MACROD2: variants seen among roughly 807,000 people sequenced by gnomAD.
The protein encoded by MACROD2 is mono-ADP ribosylhydrolase 2, also known as ADP-ribose glycohydrolase MACROD2.
A neutral mutation model predicts 70.4 loss-of-function variants in MACROD2; 36 were observed. That is an observed-to-expected ratio of 0.51 (90% CI 0.39 to 0.68). The LOEUF is 0.68. Among genes scored for constraint, MACROD2 ranks in the 30% least tolerant of loss-of-function variants. The pLI is 0.00. For synonymous variants in MACROD2, 172 were observed against 178.8 expected (o/e 0.96, Z 0.30); for missense variants, 496 against 538.4 (o/e 0.92, Z 0.78).
At chr20:15,642,632 ACACACACACG>A (rs1182532876) in intron 8 of MACROD2, among the ~76,000 whole-genome samples, 6 of 134,290 alleles carry the variant, frequency 4.5e-5, no homozygotes, top group Admixed American at 7.7e-5. Context: ...ACACACACAC[ACACACACACG>A]TGTGCATGCA....
chr20:15,036,330 T>A lies in MACROD2; in HGVS notation c.419-193610T>A, dbSNP rs551869604. Among the ~76,000 whole-genome samples, 12 of 152,262 alleles carry A rather than the reference T, an allele frequency of 7.9e-5. No homozygotes were observed. The South Asian group carries it at 1.5e-3, about 18-fold the overall frequency. On this transcript the variant is annotated intron_variant, in intron 5 of 17. Transcript: ENST00000684519. ...TAATTGCAGTACATTACGATGACCA[T>A]CTATGTCCCTTTTGTCTTCACTGGT...
At chr20:15,690,791 C>T (rs1047271640) in intron 8 of MACROD2, among the ~76,000 whole-genome samples, 6 of 152,128 alleles carry the variant, frequency 3.9e-5, no homozygotes, top group African/African-American at 1.2e-4. Flanking sequence ...CATGACCAAC[C>T]AAGACTCCAT....
chr20:14,814,938 T>C (rs2072756543), intron 5 of MACROD2, among the ~76,000 whole-genome samples: 1 of 151,950 alleles, frequency 6.6e-6, no homozygotes, highest in Non-Finnish European at 1.5e-5. Context: ...AATGAATGAA[T>C]GAATGAATGA....
chr20:15,689,194 C>T (rs2050266744), intron 8 of MACROD2, among the ~76,000 whole-genome samples: 1 of 152,108 alleles, frequency 6.6e-6, no homozygotes, highest in African/African-American at 2.4e-5. Flanking sequence ...GTCCCAGCTA[C>T]TCAGGAGGCT....
intron 5 of MACROD2, among the ~76,000 whole-genome samples, chr20:15,220,803 C>G (rs1384037751): frequency 6.6e-6 from 1 of 152,148 alleles, no homozygotes. Flanking sequence ...GGGGAAAGTC[C>G]TGTAGTCAGA....
At chr20:15,459,759 G>T (rs968224169) in intron 7 of MACROD2, among the ~76,000 whole-genome samples, 2 of 151,994 alleles carry the variant, frequency 1.3e-5, no homozygotes, top group Non-Finnish European at 2.9e-5. Flanking sequence ...TTATGATTAG[G>T]ATACAAAGAC....
At chr20:14,376,316 C>T (rs965453413) in intron 3 of MACROD2, among the ~76,000 whole-genome samples, 2 of 152,062 alleles carry the variant, frequency 1.3e-5, no homozygotes, top group Non-Finnish European at 2.9e-5. Flanking sequence ...CAGAATTGTA[C>T]ATATATTGCT....
At chr20:14,814,921 T>TTGAATGAATGAATGAA (rs71190149) in intron 5 of MACROD2, among the ~76,000 whole-genome samples, 1 of 150,796 alleles carries the variant, frequency 6.6e-6, no homozygotes, top group Admixed American at 6.6e-5. Flanking sequence ...TGAACATTTA[T>TTGAATGAATGAATGAA]TGAATGAATG....
intron 5 of MACROD2, among the ~76,000 whole-genome samples, chr20:14,868,816 G>C (rs2073456239): frequency 1.3e-5 from 2 of 152,142 alleles, no homozygotes; most frequent in African/African-American, 2.4e-5. Context: ...TCGAAAGTGG[G>C]TGCAGAATGA....
chr20:14,676,211 A>G (rs1447141698), intron 4 of MACROD2, among the ~76,000 whole-genome samples: 2 of 152,186 alleles, frequency 1.3e-5, no homozygotes, highest in African/African-American at 4.8e-5. Flanking sequence ...ATAGACATCT[A>G]CAGAACTCTC....
At chr20:15,938,641 A>C (rs1601172775) in intron 12 of MACROD2, among the ~76,000 whole-genome samples, 1 of 152,250 alleles carries the variant, frequency 6.6e-6, no homozygotes, top group South Asian at 2.1e-4. Context: ...CAATATTGAA[A>C]TTAGGCCAAT....
At chr20:15,801,304 T>A (rs2063724089) in intron 8 of MACROD2, among the ~76,000 whole-genome samples, 1 of 151,554 alleles carries the variant, frequency 6.6e-6, no homozygotes, top group South Asian at 2.1e-4. Flanking sequence ...GTACAAGTTG[T>A]GGTCTGGATA....
chr20:13,996,679 C>T (rs2052662515), intron 1 of MACROD2, among the ~76,000 whole-genome samples: 1 of 152,178 alleles, frequency 6.6e-6, no homozygotes, highest in Admixed American at 6.5e-5. Flanking sequence ...CTTATCCCAT[C>T]ACAGTTTGGT....
intron 3 of MACROD2, among the ~76,000 whole-genome samples, chr20:14,356,964 G>A (rs1792037915): frequency 6.6e-6 from 1 of 152,198 alleles, no homozygotes; most frequent in South Asian, 2.1e-4. Flanking sequence ...TCTGGATTTG[G>A]AAAGTGAGCA....
At chr20:15,301,212 A>T (rs2077639050) in intron 6 of MACROD2, among the ~76,000 whole-genome samples, 1 of 152,190 alleles carries the variant, frequency 6.6e-6, no homozygotes, top group South Asian at 2.1e-4. Flanking sequence ...TCTAGGGGGC[A>T]CAGTGGAAAT....
intron 5 of MACROD2, among the ~76,000 whole-genome samples, chr20:14,927,421 A>G (rs1203060715): frequency 6.6e-6 from 1 of 152,134 alleles, no homozygotes; most frequent in Non-Finnish European, 1.5e-5. Flanking sequence ...TATTACCCAC[A>G]TATTGTCACT....
At chr20:14,862,632 TATATATATAAATATATATATATAAA>T (rs2073376817) in intron 5 of MACROD2, among the ~76,000 whole-genome samples, 1 of 7,262 alleles carries the variant, frequency 1.4e-4, no homozygotes, top group Non-Finnish European at 3.1e-4. Context: ...TATATATAAA[TATATATATAAATATATATATATAAA>T]TATATATATA....
intron 2 of MACROD2, among the ~76,000 whole-genome samples, chr20:14,080,136 A>G (rs374793115): frequency 5.3e-5 from 8 of 152,076 alleles, no homozygotes; most frequent in Non-Finnish European, 1.2e-4. Flanking sequence ...TTAATCTTCA[A>G]GAGGCTTTTA....
chr20:14,395,055 A>T (rs1207765646), intron 3 of MACROD2, among the ~76,000 whole-genome samples: 1 of 151,970 alleles, frequency 6.6e-6, no homozygotes, highest in Non-Finnish European at 1.5e-5. Flanking sequence ...CTTTTTTTAA[A>T]TGTCTTTTCT....
Sources: allele counts gnomAD v4.1 joint callset (sites outside exome capture counted in the v4.1 genomes callset), GRCh38; gene constraint gnomAD v4.1.1; transcripts MANE v1.5; gene names NCBI Gene and HGNC (gene_info 2026-07-23, HGNC 2026-07-21).